UGT1A8: variants seen among roughly 807,000 people sequenced by gnomAD.
UGT1A8 encodes UDP glucuronosyltransferase family 1 member A8.
A neutral mutation model predicts 45.3 loss-of-function variants in UGT1A8; 39 were observed. The ratio of observed to expected loss-of-function variants is 0.86; its 90% CI spans 0.67 to 1.12. UGT1A8 has a LOEUF of 1.12. Ranked by LOEUF, UGT1A8 falls within the 50% of genes most tolerant of loss-of-function variation. UGT1A8 has a pLI of 0.00. For missense variants in UGT1A8, 719 were observed against 664.9 expected, an observed-to-expected ratio of 1.08 and a Z score of -0.90; for synonymous variants, 275 against 249.2, an observed-to-expected ratio of 1.10 and a Z score of -0.97.
intron 1 of UGT1A8, among the ~76,000 whole-genome samples, chr2:233,708,906 G>T (rs2076047236): frequency 6.6e-6 from 1 of 152,058 alleles, no homozygotes. Flanking sequence ...TATCTGGTTA[G>T]GTATTGCTTG....
chr2:233,643,310 G>A (rs1364500799), intron 1 of UGT1A8, among the ~76,000 whole-genome samples: 5 of 152,148 alleles, frequency 3.3e-5, no homozygotes, highest in African/African-American at 1.2e-4. Flanking sequence ...CAAAGACAGA[G>A]GAGCCTCACC....
rs552863758 is a variant in UGT1A8 at position 233,736,767 on chromosome 2, G to A, written c.856-30267G>A. Among the ~76,000 whole-genome samples, 7 of 152,324 alleles carry A rather than the reference G, an allele frequency of 4.6e-5. No individual in the cohort carries two copies. In the South Asian group the frequency reaches 1.2e-3, roughly 27 times the overall value. On this transcript the variant is annotated intron_variant, in intron 1 of 4. Transcript: ENST00000373450. ...CTGTTTGTTAGTTTTCCTTCTAACA[G>A]TCAGATCCCTCAGCTGCAGGTCTGT... is the stretch of plus-strand genomic sequence containing the variant.
rs1042595424 is a variant in UGT1A8 at position 233,772,592 on chromosome 2, C to T, written c.*33C>T. On this transcript the variant is annotated 3_prime_UTR_variant, in exon 5 of 5. Transcript: ENST00000373450. ...GTGGGAAATAAGGTAAAATTTTGAA[C>T]CATTCCCTAGTCATTTCCAAACTTG... The T allele has an allele frequency of 7.5e-6, 12 of 1,599,668 alleles. No homozygotes were observed. The highest frequency in any genetic ancestry group is 1.3e-5 in the African/African-American group (1 of 74,558).
chr2:233,729,230 C>T, intron 1 of UGT1A8: 2 of 1,614,168 alleles, frequency 1.2e-6, no homozygotes, highest in Non-Finnish European at 1.7e-6. Context: ...TTGGTGGTGC[C>T]CATTGATGGC....
chr2:233,728,607 C>T (rs868048236), intron 1 of UGT1A8, among the ~76,000 whole-genome samples: 2 of 152,210 alleles, frequency 1.3e-5, no homozygotes, highest in Admixed American at 6.5e-5. Flanking sequence ...CCAGCCTCCA[C>T]GCTGTTCAGA....
rs28969972 is a variant in UGT1A8 at position 233,626,795 on chromosome 2, T to G, written c.855+8233T>G. Among the ~76,000 whole-genome samples the G allele has an allele frequency of 4.6e-3, 700 of 152,230 alleles. 7 individuals carry two copies. Among genetic ancestry groups the G allele is most frequent in the African/African-American group, 0.016 (667 of 41,564 alleles). ...TAGAGATGTTGGGTTTGGAAGCAGG[T>G]AGACCACTTTGACACCTTCAGTGTT... On this transcript the variant is annotated intron_variant, in intron 1 of 4. Transcript: ENST00000373450.
At chr2:233,763,486 T>C (rs771875689) in intron 1 of UGT1A8, among the ~76,000 whole-genome samples, 1 of 152,218 alleles carries the variant, frequency 6.6e-6, no homozygotes, top group Non-Finnish European at 1.5e-5. Flanking sequence ...TGATTGTAAC[T>C]CTCTCAGTTT....
At chr2:233,712,194 G>A (rs796216388) in intron 1 of UGT1A8, among the ~76,000 whole-genome samples, 8 of 152,168 alleles carry the variant, frequency 5.3e-5, no homozygotes, top group African/African-American at 1.2e-4. Context: ...CAGCTCCCCC[G>A]GTCCCTTGGT....
At chr2:233,760,933 G>A (rs1697618719) in intron 1 of UGT1A8, 3 of 1,614,198 alleles carry the variant, frequency 1.9e-6, no homozygotes, top group South Asian at 1.1e-5. Flanking sequence ...CATGCTCATT[G>A]CCTTTTCACA....
At chr2:233,631,890 T>G (rs1278298601) in intron 1 of UGT1A8, among the ~76,000 whole-genome samples, 1 of 152,206 alleles carries the variant, frequency 6.6e-6, no homozygotes, top group Non-Finnish European at 1.5e-5. Context: ...TTTGGTGTTT[T>G]AGTTATGAAG....
chr2:233,707,763 TG>T (rs2075986173), intron 1 of UGT1A8, among the ~76,000 whole-genome samples: 2 of 152,092 alleles, frequency 1.3e-5, no homozygotes, highest in African/African-American at 4.8e-5. Flanking sequence ...CACATGTGAG[TG>T]GGTTTTTAGA....
At chr2:233,713,634 C>A in intron 1 of UGT1A8, 2 of 1,613,964 alleles carry the variant, frequency 1.2e-6, no homozygotes, top group South Asian at 2.2e-5. Flanking sequence ...CAAGAACATG[C>A]TCTACCCTCT....
chr2:233,647,733 T>C (rs1206074592), intron 1 of UGT1A8, among the ~76,000 whole-genome samples: 1 of 152,262 alleles, frequency 6.6e-6, no homozygotes, highest in Non-Finnish European at 1.5e-5. Flanking sequence ...GTGATACTAC[T>C]GCTCTCATTC....
chr2:233,759,778 A>G (rs2125976593), intron 1 of UGT1A8, among the ~76,000 whole-genome samples: 1 of 152,308 alleles, frequency 6.6e-6, no homozygotes, highest in South Asian at 2.1e-4. Flanking sequence ...TGTTGGACGA[A>G]GGAATGAAAC....
chr2:233,754,783 A>T (rs1413536581), intron 1 of UGT1A8: 1 of 1,152,612 alleles, frequency 8.7e-7, no homozygotes, highest in Admixed American at 2.2e-5. Context: ...GAGCCAAAGG[A>T]ACGAAATCCT....
intron 1 of UGT1A8, among the ~76,000 whole-genome samples, chr2:233,629,021 C>T (rs185176527): frequency 1.8e-4 from 27 of 152,158 alleles, no homozygotes; most frequent in African/African-American, 6.0e-4. Context: ...GTATTGAGTA[C>T]GTTCACATTG....
chr2:233,666,822 C>G (rs555897457), intron 1 of UGT1A8, among the ~76,000 whole-genome samples: 1 of 147,040 alleles, frequency 6.8e-6, no homozygotes, highest in Non-Finnish European at 1.5e-5. Context: ...ACAACAGGCC[C>G]TGGTGTGTGA....
At position 233,747,438 on chromosome 2, in the gene UGT1A8, A is replaced by G; in HGVS notation, c.856-19596A>G. The G allele has an allele frequency of 1.2e-6, 2 of 1,608,812 alleles. 1 individual carries two copies. On this transcript the variant is annotated intron_variant, in intron 1 of 4. Transcript: ENST00000373450. ...GCACATCAAACAAGAGAAATTTTTC[A>G]CCCTGACAACCTATGCCATTTCATG...
chr2:233,765,063 G>A (rs1333981989), intron 1 of UGT1A8, among the ~76,000 whole-genome samples: 3 of 152,054 alleles, frequency 2.0e-5, no homozygotes, highest in Non-Finnish European at 4.4e-5. Flanking sequence ...CCCTGTCAGA[G>A]GTCTCCTGTG....
Sources: gnomAD v4.1 joint callset for allele counts (sites outside exome capture counted in the v4.1 genomes callset) on GRCh38, gnomAD v4.1.1 for gene constraint, MANE v1.5 for transcripts, NCBI Gene and HGNC (gene_info 2026-07-23, HGNC 2026-07-21) for gene names.